The following LARS1 variants were observed in gnomAD, a reference collection of about 807,000 sequenced individuals.
The protein encoded by LARS1 is leucyl-tRNA synthetase 1.
LARS1 carries 100 observed loss-of-function variants against 162.8 expected under a neutral mutation model. That is an observed-to-expected ratio of 0.61 (90% CI 0.52 to 0.73). The LOEUF (loss-of-function observed/expected upper bound fraction) is 0.73. LARS1 is among the 30% of genes least tolerant of loss of function. The probability of loss-of-function intolerance (pLI) is 0.00; values close to 1 mark genes in which losing one functional copy is unlikely to be tolerated. For missense variants in LARS1, 1,258 were observed against 1,408.9 expected (o/e 0.89, Z 1.71); for synonymous variants, 457 against 462.8 (o/e 0.99, Z 0.16).
intron 20 of LARS1, among the ~76,000 whole-genome samples, chr5:146,140,636 T>C (rs1254090304): frequency 6.6e-6 from 1 of 152,136 alleles, no homozygotes; most frequent in Non-Finnish European, 1.5e-5. Flanking sequence ...TGAAGCCCCA[T>C]CTCTACTAAA....
chr5:146,116,798 G>A (rs922440679), intron 31 of LARS1, among the ~76,000 whole-genome samples: 1 of 152,152 alleles, frequency 6.6e-6, no homozygotes, highest in African/African-American at 2.4e-5. Context: ...GATAGTTTTA[G>A]TTCAGTTCCT....
At chr5:146,127,375 C>A (rs1230697135) in intron 27 of LARS1, among the ~76,000 whole-genome samples, 1 of 152,048 alleles carries the variant, frequency 6.6e-6, no homozygotes, top group East Asian at 1.9e-4. Flanking sequence ...GTGCCACATT[C>A]AACATAAGAA....
chr5:146,135,508 C>A, intron 22 of LARS1, 93 bp downstream of exon 22: 1 of 939,838 alleles, frequency 1.1e-6, no homozygotes, highest in Non-Finnish European at 1.6e-6. Context: ...AAAAGCAAAA[C>A]AGAAAGTAAA....
chr5:146,138,151 T>C (rs13186694), intron 21 of LARS1: 35,795 of 155,350 alleles, frequency 0.23, 5,341 homozygotes, highest in Admixed American at 0.34. Context: ...AAACTGTTTA[T>C]GCTCAAGATG....
At chr5:146,123,662 A>T (rs1279232909) in intron 29 of LARS1, among the ~76,000 whole-genome samples, 1 of 151,824 alleles carries the variant, frequency 6.6e-6, no homozygotes, top group Non-Finnish European at 1.5e-5. Context: ...ACTCCATAAC[A>T]TGAGAGGCTT....
intron 31 of LARS1, among the ~76,000 whole-genome samples, chr5:146,118,168 A>G (rs1751654697): frequency 6.6e-6 from 1 of 152,246 alleles, no homozygotes; most frequent in African/African-American, 2.4e-5. Context: ...AAACAATGAA[A>G]TATTATGCAG....
intron 6 of LARS1, among the ~76,000 whole-genome samples, chr5:146,161,679 G>A (rs1753787225): frequency 1.3e-5 from 2 of 151,962 alleles, no homozygotes; most frequent in Admixed American, 1.3e-4. Flanking sequence ...CTTGAACCCG[G>A]GAGGCGGAGG....
In LARS1 at chr5:146,151,857, C is replaced by T; in HGVS notation, c.1425+5G>A. 6.2e-7 allele frequency: 1 copy of T among 1,611,290 alleles called. No homozygotes were observed. Among genetic ancestry groups the T allele is most frequent in the South Asian group, 1.1e-5 (1 of 90,998 alleles). On this transcript the variant is annotated splice_donor_5th_base_variant and intron_variant, in intron 14 of 31. Transcript: ENST00000394434. ...AAATAAAAACTAAAAAAAATTATTA[C>T]TTACACCCTCATAAAATCCTTTTAG... is the stretch of plus-strand genomic sequence containing the variant.
At chr5:146,158,333 C>T (rs1753622504) in intron 8 of LARS1, among the ~76,000 whole-genome samples, 1 of 152,170 alleles carries the variant, frequency 6.6e-6, no homozygotes, top group Non-Finnish European at 1.5e-5. Flanking sequence ...TATATTAAAA[C>T]TTTACTGGGT....
chr5:146,135,679 C>G lies in LARS1; in HGVS notation c.2149-15G>C. 6.3e-7 allele frequency: 1 copy of G among 1,574,854 alleles called. No individual in the cohort carries two copies. The highest frequency in any genetic ancestry group is 8.6e-7 in the Non-Finnish European group (1 of 1,160,142). ...GATTTTGACATCTGAAATAGAGAGT[C>G]AGTGATCAATCATTAATAACAGTAA... On this transcript the variant is annotated splice_polypyrimidine_tract_variant and intron_variant, in intron 21 of 31. Coordinates refer to ENST00000394434, the MANE Select transcript of LARS1 (RefSeq NM_020117.11).
At chr5:146,115,982 CA>C (rs1246545418) in intron 31 of LARS1, among the ~76,000 whole-genome samples, 3 of 152,120 alleles carry the variant, frequency 2.0e-5, no homozygotes, top group African/African-American at 7.2e-5. Flanking sequence ...ACCAAGAATA[CA>C]AGTTATCCAT....
intron 19 of LARS1, 37 bp downstream of exon 19, chr5:146,143,375 G>T: frequency 6.3e-7 from 1 of 1,574,978 alleles, no homozygotes; most frequent in Non-Finnish European, 8.6e-7. Context: ...AACTCTTACT[G>T]ACAAATTATG....
At chr5:146,146,531 C>CA (rs1753016209) in intron 15 of LARS1, among the ~76,000 whole-genome samples, 1 of 9,998 alleles carries the variant, frequency 1.0e-4, no homozygotes, top group Non-Finnish European at 1.7e-4. Flanking sequence ...TATGCCAGAA[C>CA]CAAAAAAAAA....
Position 146,174,485 on chromosome 5 carries a change from CATAT to C in LARS1, c.126-1715_126-1712del, listed in dbSNP as rs550238465. ...ATATCCATATATATATATATATATCCATATATATATATATCCATATATATATATA... is the reference window on the plus strand; with the variant it reads ...ATATCCATATATATATATATATATCCATATATATATCCATATATATATATA... On this transcript the variant is annotated intron_variant, in intron 2 of 31. Coordinates refer to ENST00000394434, the MANE Select transcript of LARS1 (RefSeq NM_020117.11). 5.1e-4 allele frequency among the ~76,000 whole-genome samples: 13 copies of C among 25,720 alleles called. 1 individual carries two copies. The highest frequency in any genetic ancestry group is 1.7e-3 in the African/African-American group (9 of 5,170). The allele number at this position is 25,720 out of a possible 152,430, so 16.9% of individuals were successfully genotyped here. A position where few individuals can be genotyped will look rare whatever the true frequency, so the allele number is the denominator to read the frequency against.
intron 5 of LARS1, among the ~76,000 whole-genome samples, 184 bp from the exon 6 acceptor site, chr5:146,164,655 A>C (rs996264848): frequency 6.6e-6 from 1 of 152,226 alleles, no homozygotes; most frequent in Admixed American, 6.5e-5. Flanking sequence ...AAATAGTACT[A>C]ATTTAGTCTG....
At chr5:146,172,058 CA>C in intron 3 of LARS1, 68 bp from the exon 4 acceptor site, 5 of 1,379,748 alleles carry the variant, frequency 3.6e-6, no homozygotes, top group Non-Finnish European at 5.1e-6. Context: ...GTGAACTTTT[CA>C]CACAAAAAAA....
chr5:146,147,132 A>G (rs192626759), intron 15 of LARS1, among the ~76,000 whole-genome samples: 3 of 152,350 alleles, frequency 2.0e-5, no homozygotes. Context: ...GGCCCTTTCT[A>G]GATCTCCCCC....
At chr5:146,126,224 A>G in intron 28 of LARS1, among the ~76,000 whole-genome samples, 1 of 151,954 alleles carries the variant, frequency 6.6e-6, no homozygotes, top group East Asian at 1.9e-4. Flanking sequence ...TTCTAAACCA[A>G]TTTTTCTCCC....
chr5:146,160,054 C>T (rs113255915), intron 7 of LARS1, among the ~76,000 whole-genome samples: 2 of 151,840 alleles, frequency 1.3e-5, no homozygotes, highest in African/African-American at 4.8e-5. Context: ...ACAAAGGATA[C>T]AAAAGAATAG....
Sources: allele counts gnomAD v4.1 joint callset (sites outside exome capture counted in the v4.1 genomes callset), GRCh38; gene constraint gnomAD v4.1.1; transcripts MANE v1.5; gene names NCBI Gene and HGNC (gene_info 2026-07-23, HGNC 2026-07-21).